The following TEK variants were observed in gnomAD, a reference collection of about 807,000 sequenced individuals.
The protein encoded by TEK is angiopoietin-1 receptor.
TEK carries 43 observed loss-of-function variants against 131.8 expected under a neutral mutation model. The observed-to-expected ratio is 0.33, with a 90% CI of 0.26 to 0.42. The LOEUF (loss-of-function observed/expected upper bound fraction) is 0.42, where lower values mean the gene tolerates loss of function less well. TEK is among the 10% of genes least tolerant of loss of function. The pLI is 1.00. For synonymous variants in TEK, 580 were observed against 491.6 expected, an observed-to-expected ratio of 1.18 and a Z score of -2.38; for missense variants, 1,162 against 1,384.4, an observed-to-expected ratio of 0.84 and a Z score of 2.55.
chr9:27,152,412 GA>G (rs10554773), intron 1 of TEK, among the ~76,000 whole-genome samples: 3,683 of 142,838 alleles, frequency 0.026, 130 homozygotes, highest in African/African-American at 0.081. Flanking sequence ...CTGGAATGTG[GA>G]AAAAAAAAAA....
chr9:27,201,693 G>A (rs77951967), intron 12 of TEK, among the ~76,000 whole-genome samples: 1 of 152,066 alleles, frequency 6.6e-6, no homozygotes, highest in Non-Finnish European at 1.5e-5. Context: ...ATAATGAAAA[G>A]AAGAAATTTA....
intron 18 of TEK, among the ~76,000 whole-genome samples, chr9:27,213,957 A>T (rs1825724356): frequency 6.6e-6 from 1 of 152,162 alleles, no homozygotes; most frequent in African/African-American, 2.4e-5. Flanking sequence ...CAAGGAAAAA[A>T]ATTAACATAT....
At chr9:27,224,667 G>A (rs1299643112) in intron 21 of TEK, among the ~76,000 whole-genome samples, 3 of 152,236 alleles carry the variant, frequency 2.0e-5, no homozygotes, top group East Asian at 3.9e-4. Context: ...ATGGACAAAA[G>A]CTGGAAGCAT....
rs921770503 is a variant in TEK, at chr9:27,190,671, G to A, written c.1470G>A (p.Glu490=). 1.4e-5 allele frequency: 23 copies of A among 1,613,838 alleles called. No homozygotes were observed. The highest frequency in any genetic ancestry group is 1.9e-5 in the Non-Finnish European group (22 of 1,179,888). The change falls in exon 10 of 23, where the codon GAG becomes GAA. Residue 490 remains glutamate (E), a synonymous_variant. Coordinates refer to ENST00000380036, the MANE Select transcript of TEK (RefSeq NM_000459.5). ...TATACAAACCCGTTAATCACTATGAGGCTTGGCAACATATTCAAGGTAAGC... is the reference window on the plus strand; with the variant it reads ...TATACAAACCCGTTAATCACTATGAAGCTTGGCAACATATTCAAGGTAAGC... ...KLLYKPVNHY[E]AWQHIQVTNE...
In TEK at chr9:27,229,275, G is replaced by GCT. The variant is rs1314381346; in HGVS notation, c.*43_*44insCT. 1.3e-6 allele frequency: 2 copies of GCT among 1,592,478 alleles called. No individual in the cohort carries two copies. Among genetic ancestry groups the GCT allele is most frequent in the Admixed American group, 3.3e-5 (2 of 59,924 alleles). On this transcript the variant is annotated 3_prime_UTR_variant, in exon 23 of 23. Coordinates refer to ENST00000380036, the MANE Select transcript of TEK (RefSeq NM_000459.5). ...CCCTCTGTTTCCCTTTCACTGGCAT[G>GCT]GGAGACCCTTGACACCTGCTGAGAA... is the stretch of plus-strand genomic sequence containing the variant.
At chr9:27,188,506 TG>T (rs1586988709) in intron 9 of TEK, among the ~76,000 whole-genome samples, 1 of 152,056 alleles carries the variant, frequency 6.6e-6, no homozygotes, top group Non-Finnish European at 1.5e-5. Context: ...AAGAAAGGGG[TG>T]GCCTTATTTT....
chr9:27,169,372 A>G (rs969829168), intron 3 of TEK, 105 bp from the exon 4 acceptor site: 9 of 1,485,054 alleles, frequency 6.1e-6, no homozygotes, highest in African/African-American at 1.4e-5. Context: ...GTGAGAGCAC[A>G]TTTTCTTGAC....
At chr9:27,166,403 C>T (rs555826809) in intron 2 of TEK, among the ~76,000 whole-genome samples, 6 of 152,182 alleles carry the variant, frequency 3.9e-5, no homozygotes, top group African/African-American at 1.4e-4. Flanking sequence ...AAGTTTCCAC[C>T]GTGTTCACGG....
At chr9:27,220,188 C>T (rs1167698435) in intron 21 of TEK, 43 bp downstream of exon 21, 1 of 1,598,486 alleles carries the variant, frequency 6.3e-7, no homozygotes, top group South Asian at 1.1e-5. Flanking sequence ...CTTACCTTCC[C>T]CCTGTGTGTT....
At chr9:27,189,240 TAC>T (rs1428186799) in intron 9 of TEK, among the ~76,000 whole-genome samples, 3 of 152,150 alleles carry the variant, frequency 2.0e-5, no homozygotes, top group Non-Finnish European at 2.9e-5. Flanking sequence ...GTGAACAAAC[TAC>T]ACAGTCTTTG....
At chr9:27,172,883 T>G in intron 5 of TEK, 136 bp downstream of exon 5, 1 of 1,258,488 alleles carries the variant, frequency 7.9e-7, no homozygotes, top group South Asian at 1.3e-5. Flanking sequence ...TGTGTGTGAA[T>G]TAGAAAAAGG....
intron 2 of TEK, among the ~76,000 whole-genome samples, chr9:27,161,840 A>G (rs1045924188): frequency 1.3e-5 from 2 of 152,226 alleles, no homozygotes; most frequent in Admixed American, 6.5e-5. Context: ...TTTATCACAC[A>G]TATTTGGAAA....
chr9:27,137,972 A>C (rs1564053231), intron 1 of TEK, among the ~76,000 whole-genome samples: 1 of 151,894 alleles, frequency 6.6e-6, no homozygotes, highest in Non-Finnish European at 1.5e-5. Context: ...TCTTCCTTCC[A>C]GTGGGTTTGT....
intron 1 of TEK, among the ~76,000 whole-genome samples, chr9:27,124,732 T>C (rs1423278932): frequency 6.6e-6 from 1 of 152,222 alleles, no homozygotes; most frequent in African/African-American, 2.4e-5. Flanking sequence ...TGGGTTTTTT[T>C]TGGAGGGAGG....
At position 27,180,317 on chromosome 9, in the gene TEK, C is replaced by T; in HGVS notation, c.979C>T (p.Gln327Ter). 1 of 1,613,712 alleles carries T rather than the reference C, an allele frequency of 6.2e-7. No homozygotes were observed. The highest frequency in any genetic ancestry group is 8.5e-7 in the Non-Finnish European group (1 of 1,179,834). The change falls in exon 7 of 23, where the codon CAA (glutamine) becomes TAA (stop). Residue 327 changes from glutamine (Q) to a stop codon, truncating the protein, a stop_gained. Coordinates refer to ENST00000380036, the MANE Select transcript of TEK (RefSeq NM_000459.5). LOFTEE classifies it high-confidence loss of function. ...CAATGGGGAGATGTGTGATCGCTTC[C>T]AAGGATGTCTCTGCTCTCCAGGATG... ...CNNGEMCDRF[Q>*]GCLCSPGWQG...
intron 1 of TEK, among the ~76,000 whole-genome samples, chr9:27,139,487 G>T (rs62544598): frequency 6.6e-6 from 1 of 151,056 alleles, no homozygotes; most frequent in Non-Finnish European, 1.5e-5. Flanking sequence ...ACCATGCCCA[G>T]CTAATTTTTG....
chr9:27,205,641 C>G (rs1001143308), intron 14 of TEK, among the ~76,000 whole-genome samples: 1 of 150,906 alleles, frequency 6.6e-6, no homozygotes, highest in African/African-American at 2.4e-5. Flanking sequence ...TTTTTTTTTT[C>G]ATCTAGGAAT....
intron 12 of TEK, among the ~76,000 whole-genome samples, chr9:27,199,444 T>C (rs1825142529): frequency 6.6e-6 from 1 of 152,330 alleles, no homozygotes; most frequent in African/African-American, 2.4e-5. Context: ...TTAGTCAGTG[T>C]GTACTATGTT....
intron 20 of TEK, 82 bp from the exon 21 acceptor site, chr9:27,219,967 C>A: frequency 2.1e-6 from 3 of 1,417,570 alleles, no homozygotes; most frequent in South Asian, 2.3e-5. Context: ...TTCCTCCTGG[C>A]CCCTTATATT....
Sources: gnomAD v4.1 joint callset for allele counts (sites outside exome capture counted in the v4.1 genomes callset) on GRCh38, gnomAD v4.1.1 for gene constraint, MANE v1.5 for transcripts, NCBI Gene and HGNC (gene_info 2026-07-23, HGNC 2026-07-21) for gene names.